The following FAM151A variants were observed in gnomAD, a reference collection of about 807,000 sequenced individuals.
FAM151A encodes family with sequence similarity 151 member A, also known as protein FAM151A.
FAM151A carries 41 observed loss-of-function variants against 40.4 expected under a neutral mutation model. The ratio of observed to expected loss-of-function variants is 1.01; its 90% CI spans 0.79 to 1.32. The LOEUF is 1.32. FAM151A is among the 40% of genes most tolerant of loss of function. The probability of loss-of-function intolerance (pLI) is 0.00; values close to 1 mark genes in which losing one functional copy is unlikely to be tolerated. For synonymous variants in FAM151A, 337 were observed against 312.5 expected, an observed-to-expected ratio of 1.08 and a Z score of -0.83; for missense variants, 740 against 740.4, an observed-to-expected ratio of 1.00 and a Z score of 0.01.
At chr1:54,620,344 GGA>G (rs1283350750) in intron 1 of FAM151A, among the ~76,000 whole-genome samples, 1 of 152,264 alleles carries the variant, frequency 6.6e-6, no homozygotes, top group East Asian at 1.9e-4. Flanking sequence ...CTTGGCTTCA[GGA>G]GAGTGCAGTT....
rs868573711 is a variant in FAM151A, at chr1:54,611,624, G to A, written c.922C>T (p.Gln308Ter). The A allele has an allele frequency of 9.3e-6, 15 of 1,613,976 alleles. No homozygotes were observed. In the Middle Eastern group the frequency reaches 2.5e-3, roughly 266 times the overall value. Residue 308 changes from glutamine to a stop codon, truncating the protein, a stop_gained, in exon 6 of 8, where the codon CAG becomes TAG. Coordinates refer to ENST00000302250, the MANE Select transcript of FAM151A (RefSeq NM_176782.3). LOFTEE classifies it high-confidence loss of function. ...YYDIFEPLLS[Q>*]FKQLALNATR... ...TCCTTACAGGCCAGCTGCTTGAACTGTGACAGGAGAGGCTCAAAGATGTCA... is the reference window on the plus strand; with the variant it reads ...TCCTTACAGGCCAGCTGCTTGAACTATGACAGGAGAGGCTCAAAGATGTCA...
In FAM151A at chr1:54,614,612, A is replaced by C. The variant is rs1644151854; in HGVS notation, c.575+88T>G. 2.2e-6 allele frequency: 3 copies of C among 1,380,778 alleles called. No homozygotes were observed. In the Admixed American group the frequency reaches 6.7e-5, roughly 31 times the overall value. The allele number at this position is 1,380,778 out of a possible 1,614,324, so 85.5% of individuals were successfully genotyped here. A position where few individuals can be genotyped will look rare whatever the true frequency, so the allele number is the denominator to read the frequency against. ...CTATATATAGTATGATTGGAGACAA[A>C]CTCAGAGGTCCCCTAAGATCCCCAT... is the stretch of plus-strand genomic sequence containing the variant. On this transcript the variant is annotated intron_variant, in intron 4 of 7. Transcript: ENST00000302250.
At position 54,609,808 on chromosome 1, in the gene FAM151A, G is replaced by A. The variant is rs375651280; in HGVS notation, c.1218C>T (p.Pro406=). The A allele has an allele frequency of 1.5e-5, 25 of 1,614,040 alleles. No individual in the cohort carries two copies. Among genetic ancestry groups the A allele is most frequent in the South Asian group, 1.5e-4 (14 of 91,084 alleles). The change falls in exon 8 of 8, where the codon CCC becomes CCT. Residue 406 remains proline (P), a synonymous_variant. Transcript: ENST00000302250. ...ESCLQQLATH[P]GHWGIHLQIA... ...TTTGCAAATGGATGCCCCAGTGTCC[G>A]GGATGTGTGGCCAGCTGCTGCAGGC...
In FAM151A at chr1:54,614,717, A is replaced by G; in HGVS notation, c.558T>C (p.Thr186=). The G allele has an allele frequency of 6.2e-7, 1 of 1,613,702 alleles. No individual in the cohort carries two copies. The highest frequency in any genetic ancestry group is 8.5e-7 in the Non-Finnish European group (1 of 1,179,800). ...ACACTCACTGTGTGGCATTGACCTCAGTTGAGATGAGCATGTTGGGGCCCT... is the reference window on the plus strand; with the variant it reads ...ACACTCACTGTGTGGCATTGACCTCGGTTGAGATGAGCATGTTGGGGCCCT... ...ILKGPNMLIS[T]EVNATQFLAL... is the part of the protein sequence containing the mutation. Residue 186 remains threonine (T), a synonymous_variant, in exon 4 of 8, where the codon ACT becomes ACC. Transcript: ENST00000302250.
intron 5 of FAM151A, among the ~76,000 whole-genome samples, 186 bp downstream of exon 5, chr1:54,612,300 T>C (rs1655529): frequency 0.99 from 150,283 of 151,778 alleles, 74,425 homozygotes; most frequent in Middle Eastern, 1. Flanking sequence ...AGGGCTCTCT[T>C]GGGAGGTAGT....
Position 54,609,989 on chromosome 1 carries a change from A to G in FAM151A, c.1085-48T>C, listed in dbSNP as rs752227081. On this transcript the variant is annotated intron_variant, in intron 7 of 7. Transcript: ENST00000302250. ...CAGTGTTTAGGATTTGGGTTATCAT[A>G]AGGTGTTAAGAGTCCCTTGTTAAAG... The G allele has an allele frequency of 1.9e-6, 3 of 1,562,604 alleles. No individual in the cohort carries two copies. In the East Asian group the frequency reaches 6.7e-5, roughly 35 times the overall value.
At chr1:54,623,256 T>C (rs765974192) in intron 1 of FAM151A, 22 bp downstream of exon 1, 1 of 1,558,274 alleles carries the variant, frequency 6.4e-7, no homozygotes, top group South Asian at 1.1e-5. Context: ...CCACTCAGGA[T>C]GACATGGGGG....
At chr1:54,618,537 C>T (rs1358173003) in intron 2 of FAM151A, among the ~76,000 whole-genome samples, 2 of 152,064 alleles carry the variant, frequency 1.3e-5, no homozygotes, top group Non-Finnish European at 2.9e-5. Flanking sequence ...CTCTTTTCAC[C>T]TTAAAAATTG....
chr1:54,617,283 C>T (rs1256142997), intron 2 of FAM151A, among the ~76,000 whole-genome samples: 1 of 151,980 alleles, frequency 6.6e-6, no homozygotes, highest in African/African-American at 2.4e-5. Flanking sequence ...GGAGAGGGGC[C>T]GCTTTTGGCC....
chr1:54,613,121 T>TTGG (rs1445865648), intron 4 of FAM151A, among the ~76,000 whole-genome samples: 6 of 151,988 alleles, frequency 3.9e-5, no homozygotes, highest in African/African-American at 1.4e-4. Context: ...GGCTCACACC[T>TTGG]GTAATCCCAG....
At chr1:54,623,235 G>T (rs760077940) in intron 1 of FAM151A, 43 bp downstream of exon 1, 9 of 1,333,772 alleles carry the variant, frequency 6.7e-6, no homozygotes, top group Non-Finnish European at 9.7e-6. Flanking sequence ...AGGAGCGAGC[G>T]ATGAGGGAAG....
Position 54,615,875 on chromosome 1 carries a change from G to A in FAM151A, c.415+145C>T, listed in dbSNP as rs564029332. On this transcript the variant is annotated intron_variant, in intron 3 of 7. Transcript: ENST00000302250. The stretch of plus-strand genomic sequence containing the variant: ...CTCGCCTAGTCCTCACTGAGCCTGG[G>A]CATCTATAACATTGTGATGAGAAAG... 5.0e-5 allele frequency: 40 copies of A among 804,776 alleles called. No individual in the cohort carries two copies. In the African/African-American group the frequency reaches 5.1e-4, roughly 10 times the overall value. 49.9% of individuals were successfully genotyped at this position (804,776 alleles called of 1,614,324 possible).
chr1:54,621,799 GT>G (rs1482254658), intron 1 of FAM151A: 1 of 152,504 alleles, frequency 6.6e-6, no homozygotes, highest in East Asian at 1.9e-4. Context: ...AGGTACCTGT[GT>G]GAATGGAGGA....
At chr1:54,622,922 C>G (rs1260521961) in intron 1 of FAM151A, among the ~76,000 whole-genome samples, 1 of 152,002 alleles carries the variant, frequency 6.6e-6, no homozygotes, top group Admixed American at 6.6e-5. Context: ...CACCTGTAAT[C>G]CCAGCACTTT....
rs1365582408 is a variant in FAM151A, at chr1:54,609,191, C to A, written c.*77G>T. ...CTCACATACAGTGCCTGGAGAAAGC[C>A]AAAGACCTTTATTTCTTCCTGCCTC... On this transcript the variant is annotated 3_prime_UTR_variant, in exon 8 of 8. Coordinates refer to ENST00000302250, the MANE Select transcript of FAM151A (RefSeq NM_176782.3). 1 of 1,599,912 alleles carries A rather than the reference C, an allele frequency of 6.3e-7. No homozygotes were observed. The highest frequency in any genetic ancestry group is 8.5e-7 in the Non-Finnish European group (1 of 1,172,226).
chr1:54,611,496 C>T (rs984344979), intron 6 of FAM151A, 110 bp downstream of exon 6: 33 of 1,134,558 alleles, frequency 2.9e-5, no homozygotes, highest in South Asian at 1.5e-4. Context: ...TGTCCCACCC[C>T]GGCCTTCCCC....
chr1:54,610,922 A>T (rs1300512757), intron 6 of FAM151A: 2 of 985,232 alleles, frequency 2.0e-6, no homozygotes, highest in Admixed American at 1.2e-4. Context: ...AGGGGTTTGG[A>T]TAGTGGCATC....
At chr1:54,619,783 C>G in intron 2 of FAM151A, 81 bp downstream of exon 2, 2 of 1,433,770 alleles carry the variant, frequency 1.4e-6, no homozygotes, top group South Asian at 1.2e-5. Context: ...CCACAGTGAC[C>G]AGTGTCTGAT....
At chr1:54,612,956 G>A (rs1357277604) in intron 4 of FAM151A, among the ~76,000 whole-genome samples, 1 of 152,104 alleles carries the variant, frequency 6.6e-6, no homozygotes, top group Non-Finnish European at 1.5e-5. Flanking sequence ...CTCATAGACA[G>A]CATCCCTTCC....
Sources: gnomAD v4.1 joint callset for allele counts (sites outside exome capture counted in the v4.1 genomes callset) on GRCh38, gnomAD v4.1.1 for gene constraint, MANE v1.5 for transcripts, NCBI Gene and HGNC (gene_info 2026-07-23, HGNC 2026-07-21) for gene names.